Variants in KRT7 observed in about 807,000 individuals in gnomAD.
KRT7 encodes keratin, type II cytoskeletal 7.
In KRT7, 50 loss-of-function variants were observed where a neutral mutation model predicts 42.8. That is an observed-to-expected ratio of 1.17 (90% CI 0.93 to 1.48). KRT7 has a LOEUF of 1.48. Among genes scored for constraint, KRT7 ranks in the 40% most tolerant of loss-of-function variants. The probability of loss-of-function intolerance (pLI) is 0.00; values close to 1 mark genes in which losing one functional copy is unlikely to be tolerated. For synonymous variants in KRT7, 268 were observed against 266.3 expected (o/e 1.01, Z -0.06); for missense variants, 588 against 637.6 (o/e 0.92, Z 0.84).
chr12:52,242,950 G>C, intron 5 of KRT7, 62 bp from the exon 6 acceptor site: 1 of 1,523,272 alleles, frequency 6.6e-7, no homozygotes, highest in Non-Finnish European at 8.8e-7. Context: ...GTGGGGAGAG[G>C]GATGAGTTAC....
chr12:52,252,807 G>A (rs1942286633), downstream of KRT7, among the ~76,000 whole-genome samples: 1 of 152,162 alleles, frequency 6.6e-6, no homozygotes, highest in South Asian at 2.1e-4. Context: ...TCATACCCAA[G>A]TGCCTTGGGA....
chr12:52,252,588 T>C, downstream of KRT7: 1 of 1,414,616 alleles, frequency 7.1e-7, no homozygotes, highest in Non-Finnish European at 9.6e-7. Flanking sequence ...CCTTGTCTAT[T>C]TGTTAGGCCA....
chr12:52,248,540 C>A, intron 8 of KRT7, 51 bp from the exon 9 acceptor site: 1 of 1,506,114 alleles, frequency 6.6e-7, no homozygotes, highest in Non-Finnish European at 9.0e-7. Flanking sequence ...GGGATGGGGT[C>A]CCTGGTAGGG....
downstream of KRT7, among the ~76,000 whole-genome samples, chr12:52,252,853 T>G (rs1032891473): frequency 6.6e-6 from 1 of 152,134 alleles, no homozygotes; most frequent in Non-Finnish European, 1.5e-5. Context: ...CTAACCCCAT[T>G]GATGTCTGAA....
intron 6 of KRT7, chr12:52,244,346 C>T: frequency 1.0e-6 from 1 of 985,674 alleles, no homozygotes; most frequent in Non-Finnish European, 1.2e-6. Context: ...GCCTCTACTA[C>T]ATCCGGTTCT....
At chr12:52,253,804 G>C (rs772614805), downstream of KRT7, 7 of 612,642 alleles carry the variant, frequency 1.1e-5, no homozygotes, top group African/African-American at 1.1e-4. Context: ...TCTTAGACCA[G>C]AGCCCTACTC....
In KRT7 at chr12:52,233,469, C is replaced by G. The variant is rs909982691; in HGVS notation, c.173C>G (p.Pro58Arg). 1.9e-6 allele frequency: 3 copies of G among 1,609,244 alleles called. No individual in the cohort carries two copies. In the African/African-American group the frequency reaches 4.0e-5, roughly 22 times the overall value. ...RVAVRSAYGG[P>R]VGAGIREVTI... is the part of the protein sequence containing the mutation. ...GCCGTGCGCTCTGCCTATGGGGGCC[C>G]GGTGGGCGCCGGCATCCGCGAGGTC... The change falls in exon 1 of 9, where the codon CCG becomes CGG. Residue 58 changes from proline to arginine, a missense_variant. By Grantham distance (103) the Pro-to-Arg change is moderately radical (BLOSUM62 -2). Coordinates refer to ENST00000331817, the MANE Select transcript of KRT7 (RefSeq NM_005556.4).
rs1942093000 is a variant in KRT7, at chr12:52,241,629, A to G, written c.851A>G (p.Gln284Arg). Residue 284 changes from glutamine to arginine, a missense_variant, in exon 5 of 9, where the codon CAG becomes CGG. Physicochemically the swap from Gln to Arg is conservative, Grantham distance 43. Transcript: ENST00000331817. ...CSRAEAEAWYQTKFETLQAQA... is the reference protein window; with the variant it reads ...CSRAEAEAWYRTKFETLQAQA... Reference sequence around the variant, plus strand: ...CGGGCTGAGGCTGAAGCCTGGTACCAGACCAAGGTGTGAGGCCACCAGGGG... The same window carrying G: ...CGGGCTGAGGCTGAAGCCTGGTACCGGACCAAGGTGTGAGGCCACCAGGGG... The G allele has an allele frequency of 1.2e-6, 2 of 1,608,944 alleles. No individual in the cohort carries two copies. The highest frequency in any genetic ancestry group is 2.7e-5 in the African/African-American group (2 of 74,728).
chr12:52,236,726 C>T (rs1278933962), intron 2 of KRT7, among the ~76,000 whole-genome samples: 1 of 152,228 alleles, frequency 6.6e-6, no homozygotes, highest in Non-Finnish European at 1.5e-5. Context: ...GCTCTTGGAA[C>T]TCTTGTTTCC....
At chr12:52,238,835 C>A in intron 4 of KRT7, 60 bp downstream of exon 4, 1 of 1,055,998 alleles carries the variant, frequency 9.5e-7, no homozygotes, top group Non-Finnish European at 1.5e-6. Context: ...AGGGAGCCAT[C>A]TGGTCCAGCC....
At chr12:52,252,602 G>A, downstream of KRT7, 2 of 1,299,552 alleles carry the variant, frequency 1.5e-6, no homozygotes, top group South Asian at 1.4e-5. Context: ...TAGGCCAGGG[G>A]TTGCAAATTA....
intron 5 of KRT7, 136 bp from the exon 6 acceptor site, chr12:52,242,876 C>T (rs1006437034): frequency 2.6e-5 from 26 of 981,666 alleles, no homozygotes; most frequent in South Asian, 1.5e-4. Flanking sequence ...CTCCTGGCAT[C>T]GGGCAAAGGT....
intron 1 of KRT7, 27 bp from the exon 2 acceptor site, chr12:52,235,128 G>T: frequency 6.2e-7 from 1 of 1,611,440 alleles, no homozygotes; most frequent in South Asian, 1.1e-5. Flanking sequence ...GGCTCCTCTT[G>T]AGTTTCCTCC....
At chr12:52,240,242 C>A (rs1193146464) in intron 4 of KRT7, among the ~76,000 whole-genome samples, 1 of 152,208 alleles carries the variant, frequency 6.6e-6, no homozygotes, top group Non-Finnish European at 1.5e-5. Context: ...TGTGTAAACA[C>A]ACCTGTGTGT....
chr12:52,248,091 T>A, intron 7 of KRT7, 86 bp from the exon 8 acceptor site: 7 of 1,278,228 alleles, frequency 5.5e-6, no homozygotes, highest in Non-Finnish European at 8.0e-6. Flanking sequence ...ATGATCCTGC[T>A]TGGGGCCTGG....
At position 52,239,345 on chromosome 12, in the gene KRT7, G is replaced by A. The variant is rs191562304; in HGVS notation, c.693+570G>A. Among the ~76,000 whole-genome samples, 516 of 152,338 alleles carry A rather than the reference G, an allele frequency of 3.4e-3. 2 individuals are homozygous for A. The highest frequency in any genetic ancestry group is 4.5e-3 in the Non-Finnish European group (308 of 68,032). ...GGCAAGAGAAGCTGGGGGCTGACAA[G>A]CAGGCACTGGCTATTCAAGCAAAGG... On this transcript the variant is annotated intron_variant, in intron 4 of 8. Transcript: ENST00000331817.
chr12:52,253,138 G>T (rs1029573442), downstream of KRT7: 2 of 1,403,266 alleles, frequency 1.4e-6, no homozygotes, highest in Admixed American at 1.7e-5. Flanking sequence ...CTGGCAAGGG[G>T]TCTAACCCAA....
chr12:52,237,650 C>A (rs1425475968), intron 3 of KRT7, 81 bp downstream of exon 3: 5 of 1,217,560 alleles, frequency 4.1e-6, no homozygotes, highest in Non-Finnish European at 4.7e-6. Flanking sequence ...CCTGAGCAGC[C>A]CATGGGGACC....
At chr12:52,250,719 C>A, downstream of KRT7, 1 of 478,674 alleles carries the variant, frequency 2.1e-6, no homozygotes, top group Admixed American at 2.7e-5. Flanking sequence ...CCCTCTGTTT[C>A]TATGCGCGCC....
Sources: gnomAD v4.1 joint callset for allele counts (sites outside exome capture counted in the v4.1 genomes callset) on GRCh38, gnomAD v4.1.1 for gene constraint, MANE v1.5 for transcripts, NCBI Gene and HGNC (gene_info 2026-07-23, HGNC 2026-07-21) for gene names.